The following CCDC170 variants were observed in gnomAD, a reference collection of about 807,000 sequenced individuals.
CCDC170 encodes the protein coiled-coil domain-containing protein 170.
A neutral mutation model predicts 72.6 loss-of-function variants in CCDC170; 69 were observed. That is an observed-to-expected ratio of 0.95 (90% CI 0.78 to 1.16). CCDC170 has a LOEUF of 1.16. CCDC170 is among the 50% of genes most tolerant of loss of function. The probability of loss-of-function intolerance (pLI) is 0.00; values close to 1 mark genes in which losing one functional copy is unlikely to be tolerated. For missense variants in CCDC170, 852 were observed against 832.5 expected (o/e 1.02, Z -0.29); for synonymous variants, 300 against 303.9 (o/e 0.99, Z 0.13).
rs898406667 is a variant in CCDC170 at position 151,533,154 on chromosome 6, T to C, written c.58-3164T>C. On this transcript the variant is annotated intron_variant, in intron 1 of 10. Transcript: ENST00000239374. ...CTGCAAGCTCCACCTCCCAGGTTCA[T>C]GCCATTCTCCTGCCTCAGCCTCCCG... 3.9e-4 allele frequency among the ~76,000 whole-genome samples: 59 copies of C among 151,040 alleles called. 1 individual carries two copies. The highest frequency in any genetic ancestry group is 3.6e-3 in the South Asian group (17 of 4,768).
chr6:151,543,983 C>T (rs779522447), intron 3 of CCDC170, among the ~76,000 whole-genome samples: 65 of 152,262 alleles, frequency 4.3e-4, no homozygotes, highest in South Asian at 1.2e-3. Flanking sequence ...TTCCAATACA[C>T]TTTAAAGACT....
chr6:151,546,479 T>G (rs1782773299), intron 4 of CCDC170, among the ~76,000 whole-genome samples: 1 of 152,182 alleles, frequency 6.6e-6, no homozygotes, highest in South Asian at 2.1e-4. Flanking sequence ...TTTCTAATGC[T>G]TTGACTTCCG....
intron 6 of CCDC170, among the ~76,000 whole-genome samples, chr6:151,579,258 C>T (rs1364152537): frequency 1.3e-5 from 2 of 152,090 alleles, no homozygotes; most frequent in East Asian, 1.9e-4. Flanking sequence ...CACAAGTTTA[C>T]GGTTTTGGTG....
At chr6:151,613,648 T>C (rs992836686) in intron 9 of CCDC170, among the ~76,000 whole-genome samples, 1 of 152,244 alleles carries the variant, frequency 6.6e-6, no homozygotes, top group Admixed American at 6.5e-5. Context: ...AAGGTTTACC[T>C]ATGTGGTAGC....
intron 1 of CCDC170, among the ~76,000 whole-genome samples, chr6:151,530,538 T>C (rs894129448): frequency 6.6e-6 from 1 of 151,480 alleles, no homozygotes; most frequent in Admixed American, 6.6e-5. Flanking sequence ...GCCTCCTGAG[T>C]TCAAGTGATT....
chr6:151,498,300 C>G (rs1379709342), intron 1 of CCDC170, among the ~76,000 whole-genome samples: 1 of 152,184 alleles, frequency 6.6e-6, no homozygotes, highest in Non-Finnish European at 1.5e-5. Flanking sequence ...GCTATAGTTC[C>G]TCAAAACAAA....
intron 5 of CCDC170, among the ~76,000 whole-genome samples, chr6:151,550,883 C>A (rs1277147096): frequency 6.6e-6 from 1 of 152,198 alleles, no homozygotes. Flanking sequence ...ACCTAATCAT[C>A]TCCCAAAGGC....
intron 9 of CCDC170, among the ~76,000 whole-genome samples, chr6:151,614,485 C>T (rs564476327): frequency 1.2e-4 from 18 of 152,046 alleles, no homozygotes; most frequent in South Asian, 8.3e-4. Context: ...GACTGAGTCT[C>T]GCTCTGTTGC....
In CCDC170 at chr6:151,593,206, A is replaced by G. The variant is rs773630360; in HGVS notation, c.1393A>G (p.Thr465Ala). The change falls in exon 8 of 11, where the codon ACA becomes GCA. Residue 465 changes from threonine to alanine, a missense_variant. By Grantham distance (58) the Thr-to-Ala change is moderately conservative. Transcript: ENST00000239374. ...GCGGCTGGACGTGGTTTTAGCTCGA[A>G]CAGAGCAGCTGGTTCGTCTTGAGAG... ...DMRLDVVLAR[T>A]EQLVRLESNA... 1.9e-6 allele frequency: 3 copies of G among 1,614,080 alleles called. No individual in the cohort carries two copies. The highest frequency in any genetic ancestry group is 1.7e-6 in the Non-Finnish European group (2 of 1,180,034).
intron 9 of CCDC170, among the ~76,000 whole-genome samples, chr6:151,603,841 C>T (rs1269893236): frequency 6.6e-6 from 1 of 152,174 alleles, no homozygotes; most frequent in Admixed American, 6.5e-5. Context: ...TGCTGCTTTC[C>T]AGGAATGATA....
In CCDC170 at chr6:151,536,344, C is replaced by A. The variant is rs6905111; in HGVS notation, c.84C>A (p.Val28=). 1.7e-3 allele frequency: 2,678 copies of A among 1,613,934 alleles called. 42 individuals are homozygous for A. In the African/African-American group the frequency reaches 0.029, roughly 17 times the overall value. ...PEETYDHLSE[V]PVTREQLNHY... is the part of the protein sequence containing the mutation. ...AAACTTACGATCATCTTTCGGAAGT[C>A]CCGGTCACGCGGGAGCAGTTAAACC... is the stretch of plus-strand genomic sequence containing the variant. The change falls in exon 2 of 11, where the codon GTC becomes GTA. Residue 28 remains valine (V), a synonymous_variant. Coordinates refer to ENST00000239374, the MANE Select transcript of CCDC170 (RefSeq NM_025059.4).
chr6:151,573,875 G>C (rs980200367), intron 6 of CCDC170, among the ~76,000 whole-genome samples: 5 of 152,188 alleles, frequency 3.3e-5, no homozygotes, highest in African/African-American at 1.2e-4. Flanking sequence ...GGGGATGATG[G>C]GAGCTACAAT....
chr6:151,575,865 G>A (rs1352422724), intron 6 of CCDC170, among the ~76,000 whole-genome samples: 1 of 152,106 alleles, frequency 6.6e-6, no homozygotes, highest in African/African-American at 2.4e-5. Context: ...GAGATAAAAT[G>A]TGGAGTGCTC....
intron 5 of CCDC170, among the ~76,000 whole-genome samples, chr6:151,549,322 C>A (rs978761302): frequency 2.0e-4 from 31 of 151,920 alleles, no homozygotes; most frequent in African/African-American, 7.5e-4. Context: ...AGGTGTGAGC[C>A]ACTGTGCCTG....
Position 151,494,185 on chromosome 6 carries a change from G to GGTAC in CCDC170, c.57+2_57+5dup. On this transcript the variant is annotated frameshift_variant and splice_region_variant. Transcript: ENST00000239374. LOFTEE classifies it high-confidence loss of function. ...TGGGTGCCGCTTCGCCAGCGCCCGA[G>GGTAC]GTACGGTCCCAGCCGCCGGCCGCGC... 1.3e-6 allele frequency: 2 copies of GGTAC among 1,512,708 alleles called. No homozygotes were observed. Among genetic ancestry groups the GGTAC allele is most frequent in the South Asian group, 2.5e-5 (2 of 80,818 alleles). The allele number at this position is 1,512,708 out of a possible 1,614,324, so 93.7% of individuals were successfully genotyped here.
intron 1 of CCDC170, 60 bp from the exon 2 acceptor site, chr6:151,536,258 C>T: frequency 6.3e-7 from 1 of 1,588,200 alleles, no homozygotes. Context: ...TGTGCAGCTG[C>T]ACGGAAAAGA....
intron 1 of CCDC170, among the ~76,000 whole-genome samples, chr6:151,522,359 T>C (rs1782332760): frequency 6.6e-6 from 1 of 152,202 alleles, no homozygotes; most frequent in South Asian, 2.1e-4. Context: ...AGAATTAATA[T>C]GTAGTATGTT....
Position 151,538,191 on chromosome 6 carries a change from A to G in CCDC170, c.333A>G (p.Glu111=), listed in dbSNP as rs770742935. Residue 111 remains glutamate (E), a synonymous_variant, in exon 3 of 11, where the codon GAA becomes GAG. Transcript: ENST00000239374. ...LRDRVQELEE[E]SAALSTSKIR... is the part of the protein sequence containing the mutation. ...ACAGAGTTCAGGAACTAGAAGAAGA[A>G]TCAGCAGCACTTTCCACTTCTAAAA... The G allele has an allele frequency of 8.1e-6, 13 of 1,613,962 alleles. No individual in the cohort carries two copies. The highest frequency in any genetic ancestry group is 1.1e-5 in the Non-Finnish European group (13 of 1,179,974).
chr6:151,511,848 T>C (rs1782154716), intron 1 of CCDC170, among the ~76,000 whole-genome samples: 1 of 152,198 alleles, frequency 6.6e-6, no homozygotes. Flanking sequence ...AGTATATGTA[T>C]ATCTTTTTTA....
Sources: allele counts gnomAD v4.1 joint callset (sites outside exome capture counted in the v4.1 genomes callset), GRCh38; gene constraint gnomAD v4.1.1; transcripts MANE v1.5; gene names NCBI Gene and HGNC (gene_info 2026-07-23, HGNC 2026-07-21).